MAML2: variants seen among roughly 807,000 people sequenced by gnomAD.
The protein encoded by MAML2 is mastermind like transcriptional coactivator 2.
In MAML2, 22 loss-of-function variants were observed where a neutral mutation model predicts 96.1. The ratio of observed to expected loss-of-function variants is 0.23; its 90% confidence interval spans 0.16 to 0.33. The LOEUF is 0.33. Among genes scored for constraint, MAML2 ranks in the 10% least tolerant of loss-of-function variants. The probability of loss-of-function intolerance (pLI) is 1.00; values close to 1 mark genes in which losing one functional copy is unlikely to be tolerated. For synonymous variants in MAML2, 561 were observed against 521.3 expected, an observed-to-expected ratio of 1.08 and a Z score of -1.04; for missense variants, 1,367 against 1,392.4, an observed-to-expected ratio of 0.98 and a Z score of 0.29.
intron 1 of MAML2, among the ~76,000 whole-genome samples, chr11:96,298,621 A>G (rs984518708): frequency 6.6e-6 from 1 of 151,876 alleles, no homozygotes; most frequent in Non-Finnish European, 1.5e-5. Flanking sequence ...TGCGTTAGGC[A>G]TTGTGCTAGG....
At chr11:96,108,653 G>A (rs1339223854) in intron 1 of MAML2, among the ~76,000 whole-genome samples, 1 of 152,120 alleles carries the variant, frequency 6.6e-6, no homozygotes, top group Non-Finnish European at 1.5e-5. Context: ...AATAATACCA[G>A]CTATTATTGC....
chr11:96,169,146 A>C (rs1861240561), intron 1 of MAML2, among the ~76,000 whole-genome samples: 1 of 152,226 alleles, frequency 6.6e-6, no homozygotes, highest in South Asian at 2.1e-4. Flanking sequence ...CCACTGACAG[A>C]AGGCCTGAAC....
chr11:96,266,945 C>G (rs980555777), intron 1 of MAML2, among the ~76,000 whole-genome samples: 7 of 152,178 alleles, frequency 4.6e-5, no homozygotes, highest in Non-Finnish European at 7.3e-5. Context: ...AGAAGTAAAT[C>G]TCCCATTGAG....
chr11:95,994,152 G>A (rs1310683291), intron 2 of MAML2, among the ~76,000 whole-genome samples: 2 of 152,178 alleles, frequency 1.3e-5, no homozygotes, highest in East Asian at 1.9e-4. Context: ...TCTTCCCAGG[G>A]TTGAGCACCC....
At chr11:96,282,232 G>A (rs1199992134) in intron 1 of MAML2, among the ~76,000 whole-genome samples, 1 of 148,626 alleles carries the variant, frequency 6.7e-6, no homozygotes, top group Admixed American at 6.8e-5. Context: ...CTGGGCGACA[G>A]AGCAAGACTC....
chr11:96,010,402 T>C (rs1858248078), intron 2 of MAML2, among the ~76,000 whole-genome samples: 1 of 152,152 alleles, frequency 6.6e-6, no homozygotes, highest in South Asian at 2.1e-4. Flanking sequence ...CCTTCCTACT[T>C]TTATATGTAG....
chr11:96,003,954 C>T (rs774370929), intron 2 of MAML2, among the ~76,000 whole-genome samples: 18 of 152,086 alleles, frequency 1.2e-4, no homozygotes, highest in Non-Finnish European at 2.2e-4. Context: ...CTGAGCATTA[C>T]CACCACTGCC....
chr11:96,219,060 A>C lies in MAML2; in HGVS notation c.513+122323T>G, dbSNP rs559730633. On this transcript the variant is annotated intron_variant, in intron 1 of 4. Coordinates refer to ENST00000524717, the MANE Select transcript of MAML2 (RefSeq NM_032427.4). The stretch of plus-strand genomic sequence containing the variant: ...GAGACTGTCCCACCACGCCATTCCC[A>C]AAGGCCCCTGGGGCCATCCGGCTCC... Among the ~76,000 whole-genome samples, 91 of 152,330 alleles carry C rather than the reference A, an allele frequency of 6.0e-4. 1 individual carries two copies. The South Asian group carries it at 6.6e-3, about 11-fold the overall frequency.
intron 3 of MAML2, among the ~76,000 whole-genome samples, chr11:95,990,089 T>C (rs2135708127): frequency 6.6e-6 from 1 of 152,334 alleles, no homozygotes; most frequent in South Asian, 2.1e-4. Flanking sequence ...TGGGAGACTA[T>C]CCTCAATCTT....
At chr11:96,256,386 C>G (rs1862669328) in intron 1 of MAML2, among the ~76,000 whole-genome samples, 1 of 152,136 alleles carries the variant, frequency 6.6e-6, no homozygotes, top group Admixed American at 6.5e-5. Context: ...ACGCTGATCT[C>G]GAAGTTCCTC....
intron 1 of MAML2, among the ~76,000 whole-genome samples, chr11:96,293,691 C>T (rs1023306908): frequency 6.6e-6 from 1 of 152,082 alleles, no homozygotes; most frequent in Non-Finnish European, 1.5e-5. Flanking sequence ...AAACAGTATG[C>T]AGAACAATAA....
At chr11:96,323,703 T>C (rs1324109538) in intron 1 of MAML2, among the ~76,000 whole-genome samples, 1 of 152,244 alleles carries the variant, frequency 6.6e-6, no homozygotes, top group African/African-American at 2.4e-5. Flanking sequence ...TGCTCCAGAT[T>C]TGGATTCCTC....
At chr11:96,011,469 G>T (rs7108922) in intron 2 of MAML2, among the ~76,000 whole-genome samples, 10,473 of 152,044 alleles carry the variant, frequency 0.069, 728 homozygotes, top group African/African-American at 0.18. Flanking sequence ...AACACAGAAA[G>T]AAAAACCAAA....
chr11:96,074,524 T>C (rs1859403008), intron 2 of MAML2, among the ~76,000 whole-genome samples: 1 of 152,162 alleles, frequency 6.6e-6, no homozygotes, highest in African/African-American at 2.4e-5. Context: ...CTTGGAGAGG[T>C]TAATATGGAG....
At chr11:96,086,327 T>C (rs557397254) in intron 2 of MAML2, among the ~76,000 whole-genome samples, 2 of 152,324 alleles carry the variant, frequency 1.3e-5, no homozygotes, top group African/African-American at 4.8e-5. Context: ...ACAGTAATCC[T>C]GAAAAGATTC....
At chr11:96,168,019 C>T (rs2135896896) in intron 1 of MAML2, among the ~76,000 whole-genome samples, 1 of 152,244 alleles carries the variant, frequency 6.6e-6, no homozygotes, top group East Asian at 1.9e-4. Context: ...CTGCAATAAC[C>T]AAGTCTTATT....
chr11:96,330,103 T>G (rs1392468966), intron 1 of MAML2, among the ~76,000 whole-genome samples: 1 of 152,168 alleles, frequency 6.6e-6, no homozygotes, highest in Non-Finnish European at 1.5e-5. Context: ...GCAAGAATGC[T>G]TGAAATTTGG....
intron 2 of MAML2, among the ~76,000 whole-genome samples, chr11:96,067,513 A>G (rs1377807989): frequency 6.6e-6 from 1 of 152,188 alleles, no homozygotes; most frequent in African/African-American, 2.4e-5. Flanking sequence ...AAGTTATCAC[A>G]TGATCTTCTT....
intron 1 of MAML2, among the ~76,000 whole-genome samples, chr11:96,148,679 C>CACAT (rs1285515567): frequency 1.3e-5 from 2 of 148,756 alleles, no homozygotes; most frequent in Admixed American, 1.4e-4. Context: ...CACACACACA[C>CACAT]ACACACACAC....
Sources: gnomAD v4.1 joint callset for allele counts (sites outside exome capture counted in the v4.1 genomes callset) on GRCh38, gnomAD v4.1.1 for gene constraint, MANE v1.5 for transcripts, NCBI Gene and HGNC (gene_info 2026-07-23, HGNC 2026-07-21) for gene names.